Variants in LRP1B observed in about 807,000 individuals in gnomAD.
LRP1B encodes low-density lipoprotein receptor-related protein 1B.
A neutral mutation model predicts 556.6 loss-of-function variants in LRP1B; 217 were observed. That is an observed-to-expected ratio of 0.39 (90% CI 0.35 to 0.44). The LOEUF (loss-of-function observed/expected upper bound fraction) is 0.44. Among genes scored for constraint, LRP1B ranks in the 20% least tolerant of loss-of-function variants. The pLI is 1.00. For synonymous variants in LRP1B, 2,047 were observed against 1,865.8 expected (o/e 1.10, Z -2.50); for missense variants, 5,053 against 5,620.8 (o/e 0.90, Z 3.23).
chr2:141,794,820 A>T (rs1695747269), intron 2 of LRP1B, among the ~76,000 whole-genome samples: 1 of 152,104 alleles, frequency 6.6e-6, no homozygotes, highest in Non-Finnish European at 1.5e-5. Context: ...GTCCTCAGGA[A>T]ATTATATGTC....
chr2:140,704,503 T>C (rs1294388164), intron 37 of LRP1B, among the ~76,000 whole-genome samples: 1 of 152,074 alleles, frequency 6.6e-6, no homozygotes, highest in East Asian at 1.9e-4. Flanking sequence ...CCAACTAATA[T>C]TTTATTGGTA....
chr2:140,612,944 C>T (rs1379459879), intron 41 of LRP1B, among the ~76,000 whole-genome samples: 2 of 151,936 alleles, frequency 1.3e-5, no homozygotes, highest in South Asian at 2.1e-4. Flanking sequence ...CTTTCTGACA[C>T]ACTTCAGTCT....
At chr2:142,023,944 G>T (rs1456296849) in intron 1 of LRP1B, among the ~76,000 whole-genome samples, 1 of 152,060 alleles carries the variant, frequency 6.6e-6, no homozygotes, top group Non-Finnish European at 1.5e-5. Context: ...TCTCTCTCAT[G>T]ACTTTTATGT....
Position 141,712,836 on chromosome 2 carries a change from A to ATTTTTTTTTTTTTTTTTTTTTTTTTT in LRP1B, c.205+97442_205+97443insAAAAAAAAAAAAAAAAAAAAAAAAAA, listed in dbSNP as rs1192189235. ...AGGTGCCTGCCACCATGCCCAGCTA[A>ATTTTTTTTTTTTTTTTTTTTTTTTTT]TTTTTTTTTTTTTTTTTTTTTTTAG... On this transcript the variant is annotated intron_variant, in intron 2 of 90. Transcript: ENST00000389484. Among the ~76,000 whole-genome samples, 2 of 103,366 alleles carry ATTTTTTTTTTTTTTTTTTTTTTTTTT rather than the reference A, an allele frequency of 1.9e-5. 1 individual carries two copies. The highest frequency in any genetic ancestry group is 3.8e-5 in the Non-Finnish European group (2 of 53,098). The allele number at this position is 103,366 out of a possible 152,430, so 67.8% of individuals were successfully genotyped here.
chr2:140,661,682 T>C lies in LRP1B; in HGVS notation c.6799+38568A>G, dbSNP rs959035752. ...ATCCAGTCTCAAAACAACAACAAAA[T>C]TGTCCACTGGATTAAATCCCATGAG... is the stretch of plus-strand genomic sequence containing the variant. On this transcript the variant is annotated intron_variant, in intron 41 of 90. Coordinates refer to ENST00000389484, the MANE Select transcript of LRP1B (RefSeq NM_018557.3). Among the ~76,000 whole-genome samples, 45 of 152,090 alleles carry C rather than the reference T, an allele frequency of 3.0e-4. 1 individual carries two copies. Among genetic ancestry groups the C allele is most frequent in the Admixed American group, 2.2e-3 (34 of 15,258 alleles).
intron 1 of LRP1B, among the ~76,000 whole-genome samples, chr2:142,029,234 T>C (rs1703606261): frequency 6.6e-6 from 1 of 151,884 alleles, no homozygotes; most frequent in Non-Finnish European, 1.5e-5. Flanking sequence ...TCTCTCTATA[T>C]GGAGTTACAA....
chr2:141,741,895 T>C (rs775519706), intron 2 of LRP1B, among the ~76,000 whole-genome samples: 1 of 152,188 alleles, frequency 6.6e-6, no homozygotes, highest in Non-Finnish European at 1.5e-5. Context: ...AGTTTCTCCA[T>C]TGCTTTCTTT....
intron 1 of LRP1B, among the ~76,000 whole-genome samples, chr2:141,932,432 G>A (rs886239055): frequency 6.6e-6 from 1 of 151,972 alleles, no homozygotes; most frequent in Non-Finnish European, 1.5e-5. Flanking sequence ...TGATGACTTT[G>A]GGCCTCTGAA....
chr2:141,306,280 CTT>C (rs536286428), intron 3 of LRP1B, among the ~76,000 whole-genome samples: 1 of 151,968 alleles, frequency 6.6e-6, no homozygotes, highest in Non-Finnish European at 1.5e-5. Context: ...GAGTAATGGA[CTT>C]TTTTTAATTA....
chr2:140,461,232 G>T (rs1687305553), intron 60 of LRP1B, among the ~76,000 whole-genome samples: 1 of 151,760 alleles, frequency 6.6e-6, no homozygotes, highest in Non-Finnish European at 1.5e-5. Context: ...GTATATTTCT[G>T]GGTAATATCA....
At chr2:141,092,839 C>T (rs1466652941) in intron 7 of LRP1B, among the ~76,000 whole-genome samples, 1 of 152,144 alleles carries the variant, frequency 6.6e-6, no homozygotes, top group Non-Finnish European at 1.5e-5. Flanking sequence ...TGTATTTAGA[C>T]ATACTCAGCT....
chr2:140,936,599 A>T (rs1200224727), intron 20 of LRP1B, among the ~76,000 whole-genome samples: 1 of 152,058 alleles, frequency 6.6e-6, no homozygotes, highest in African/African-American at 2.4e-5. Context: ...TGTATAAAGG[A>T]ATAAAAATCA....
intron 43 of LRP1B, among the ~76,000 whole-genome samples, chr2:140,586,350 T>C (rs1436106788): frequency 6.6e-6 from 1 of 151,994 alleles, no homozygotes; most frequent in African/African-American, 2.4e-5. Context: ...AAAATAATAA[T>C]CTGCTCTCTC....
At chr2:141,976,572 C>A (rs1159232760) in intron 1 of LRP1B, among the ~76,000 whole-genome samples, 1 of 151,982 alleles carries the variant, frequency 6.6e-6, no homozygotes, top group Non-Finnish European at 1.5e-5. Flanking sequence ...CAATCAATTC[C>A]CCTCAATACA....
intron 3 of LRP1B, among the ~76,000 whole-genome samples, chr2:141,408,616 T>C (rs1227076434): frequency 6.6e-6 from 1 of 152,110 alleles, no homozygotes; most frequent in Non-Finnish European, 1.5e-5. Context: ...AAAATAAATC[T>C]ATGGTTTTTC....
chr2:141,186,078 CAAAAAAAAAA>C (rs386391364), intron 7 of LRP1B, among the ~76,000 whole-genome samples: 1 of 77,608 alleles, frequency 1.3e-5, no homozygotes. Context: ...GACTCTGTCT[CAAAAAAAAAA>C]AAAAAAAAAA....
At chr2:141,494,159 G>A (rs1683433186) in intron 2 of LRP1B, among the ~76,000 whole-genome samples, 2 of 152,158 alleles carry the variant, frequency 1.3e-5, no homozygotes, top group African/African-American at 2.4e-5. Flanking sequence ...AGCTCAGCAG[G>A]TTGAAGCCCA....
intron 8 of LRP1B, among the ~76,000 whole-genome samples, chr2:141,061,011 G>T (rs571013396): frequency 6.6e-6 from 1 of 151,772 alleles, no homozygotes; most frequent in East Asian, 2.0e-4. Flanking sequence ...TTCATAACAA[G>T]GTTTAATTTT....
intron 81 of LRP1B, 70 bp downstream of exon 81, chr2:140,323,823 A>ATATAT (rs959605990): frequency 1.3e-6 from 1 of 783,914 alleles, no homozygotes; most frequent in African/African-American, 1.8e-5. Flanking sequence ...ATATTTAAAA[A>ATATAT]TATATTATTT....
Sources: allele counts gnomAD v4.1 joint callset (sites outside exome capture counted in the v4.1 genomes callset), GRCh38; gene constraint gnomAD v4.1.1; transcripts MANE v1.5; gene names NCBI Gene and HGNC (gene_info 2026-07-23, HGNC 2026-07-21).